The following PPP2R3B variants were observed in gnomAD, a reference collection of about 807,000 sequenced individuals.
PPP2R3B encodes protein phosphatase 2 regulatory subunit B''beta, also known as serine/threonine-protein phosphatase 2A regulatory subunit B'' subunit beta.
A neutral mutation model predicts 72.9 loss-of-function variants in PPP2R3B; 68 were observed. The ratio of observed to expected loss-of-function variants is 0.93; its 90% CI spans 0.77 to 1.14. The LOEUF is 1.14. PPP2R3B is among the 50% of genes most tolerant of loss of function. PPP2R3B has a pLI of 0.00. For missense variants in PPP2R3B, 1,018 were observed against 842.0 expected, an observed-to-expected ratio of 1.21 and a Z score of -2.59; for synonymous variants, 466 against 375.8, an observed-to-expected ratio of 1.24 and a Z score of -2.78.
Position 340,953 on chromosome X carries a change from G to A in PPP2R3B, c.1176-13C>T, listed in dbSNP as rs369993682. On this transcript the variant is annotated splice_polypyrimidine_tract_variant and intron_variant, in intron 9 of 12. Coordinates refer to ENST00000390665, the MANE Select transcript of PPP2R3B (RefSeq NM_013239.5). ...CCAGTACTCGATGCTGCGGCACGGCGAGCTCTGTCAGCCCCTGCCCTGGGC... is the reference window on the plus strand; with the variant it reads ...CCAGTACTCGATGCTGCGGCACGGCAAGCTCTGTCAGCCCCTGCCCTGGGC... The A allele has an allele frequency of 2.5e-5, 40 of 1,607,092 alleles. No homozygotes were observed. Among genetic ancestry groups the A allele is most frequent in the African/African-American group, 1.2e-4 (9 of 74,656 alleles).
rs757702013 is a variant in PPP2R3B, at chrX:347,560, A to G, written c.614+30T>C. On this transcript the variant is annotated intron_variant, in intron 3 of 12. Coordinates refer to ENST00000390665, the MANE Select transcript of PPP2R3B (RefSeq NM_013239.5). ...ACCCGGGGACGCCTCCGCCCTCCCGACACAGCCCCCTGCCCAGCCCAGGAC... is the reference window on the plus strand; with the variant it reads ...ACCCGGGGACGCCTCCGCCCTCCCGGCACAGCCCCCTGCCCAGCCCAGGAC... 2.6e-6 allele frequency: 4 copies of G among 1,554,794 alleles called. No individual in the cohort carries two copies. The South Asian group carries it at 4.7e-5, about 18-fold the overall frequency.
intron 1 of PPP2R3B, 84 bp from the exon 2 acceptor site, chrX:361,674 A>G: frequency 6.6e-7 from 1 of 1,524,966 alleles, no homozygotes; most frequent in Non-Finnish European, 9.0e-7. Flanking sequence ...GGGCCTCTCT[A>G]GGGCCGACAG....
In PPP2R3B at chrX:341,326, C is replaced by T. The variant is rs769304926; in HGVS notation, c.1156G>A (p.Asp386Asn). Residue 386 changes from aspartate to asparagine, a missense_variant, in exon 9 of 13, where the codon GAC becomes AAC. By Grantham distance (23) the Asp-to-Asn change is conservative. Transcript: ENST00000390665. ...DFVWFLISEEDKKTPTSIEYW... is the reference protein window; with the variant it reads ...DFVWFLISEENKKTPTSIEYW... ...ACCCACCTGGTCGGTGTTTTTTTGTCTTCCTCAGAGATCAAAAACCAGACA... is the reference window on the plus strand; with the variant it reads ...ACCCACCTGGTCGGTGTTTTTTTGTTTTCCTCAGAGATCAAAAACCAGACA... 1.4e-5 allele frequency: 22 copies of T among 1,611,914 alleles called. No individual in the cohort carries two copies. The highest frequency in any genetic ancestry group is 1.8e-5 in the Non-Finnish European group (21 of 1,179,524).
Position 338,782 on chromosome X carries a change from A to T in PPP2R3B, c.1466T>A (p.Leu489His), listed in dbSNP as rs1304693443. Residue 489 changes from leucine (L) to histidine (H), a missense_variant, in exon 11 of 13, where the codon CTC becomes CAC. Coordinates refer to ENST00000390665, the MANE Select transcript of PPP2R3B (RefSeq NM_013239.5). ...CCGCGTGCCCGCCGCACTCACCCTG[A>T]GCAGGGAGATCTGCTCTTTCTGCTC... ...DHEQKEQISL[L>H]RDGDSGGPEL... 6.2e-7 allele frequency: 1 copy of T among 1,612,328 alleles called. No individual in the cohort carries two copies. The highest frequency in any genetic ancestry group is 1.1e-5 in the South Asian group (1 of 91,070).
At chrX:355,147 G>T (rs1002499491) in intron 2 of PPP2R3B, among the ~76,000 whole-genome samples, 1 of 152,198 alleles carries the variant, frequency 6.6e-6, no homozygotes, top group Non-Finnish European at 1.5e-5. Flanking sequence ...TGGTAGAGCC[G>T]ATGACTGAGT....
rs2071046481 is a variant in PPP2R3B, at chrX:340,802, G to A, written c.1314C>T (p.Leu438=). ...AIEALPFQDC[L]CQMLDLVKPR... ...GCTTGACCAGGTCCAGCATCTGGCA[G>A]AGGCAGTCCTGGAAGGGCAGGGCCT... is the stretch of plus-strand genomic sequence containing the variant. The change falls in exon 10 of 13, where the codon CTC becomes CTT. Residue 438 remains leucine (L), a synonymous_variant. Transcript: ENST00000390665. 1 of 1,602,882 alleles carries A rather than the reference G, an allele frequency of 6.2e-7. No individual in the cohort carries two copies. Among genetic ancestry groups the A allele is most frequent in the South Asian group, 1.1e-5 (1 of 90,802 alleles).
chrX:346,881 G>C (rs1211056547), intron 4 of PPP2R3B, 106 bp from the exon 5 acceptor site: 9 of 1,114,676 alleles, frequency 8.1e-6, no homozygotes, highest in African/African-American at 3.1e-5. Context: ...GATGAGGTGT[G>C]CGGTGTAGAC....
intron 1 of PPP2R3B, among the ~76,000 whole-genome samples, chrX:378,004 T>C (rs760792479): frequency 3.3e-5 from 5 of 152,010 alleles, no homozygotes; most frequent in African/African-American, 1.2e-4. Flanking sequence ...GTCTATACAC[T>C]ACTGTGTACA....
chrX:345,723 C>G, intron 6 of PPP2R3B, 51 bp from the exon 7 acceptor site: 1 of 1,503,686 alleles, frequency 6.7e-7, no homozygotes, highest in Non-Finnish European at 9.0e-7. Flanking sequence ...GGGGATGCCC[C>G]AAGTCCGCCT....
At chrX:359,098 G>A (rs2071493509) in intron 2 of PPP2R3B, among the ~76,000 whole-genome samples, 1 of 152,196 alleles carries the variant, frequency 6.6e-6, no homozygotes, top group Non-Finnish European at 1.5e-5. Context: ...GACGCAGCGC[G>A]TGAGCTGCAA....
rs1222623156 is a variant in PPP2R3B, at chrX:368,489, G to C, written c.325-6899C>G. Among the ~76,000 whole-genome samples the C allele has an allele frequency of 1.1e-3, 142 of 125,814 alleles. 4 individuals carry two copies. Among genetic ancestry groups the C allele is most frequent in the Non-Finnish European group, 1.9e-3 (112 of 59,750 alleles). 82.5% of individuals were successfully genotyped at this position (125,814 alleles called of 152,430 possible). On this transcript the variant is annotated intron_variant, in intron 1 of 12. Transcript: ENST00000390665. ...ACCACCCACCCCGGGCACCGACGGG[G>C]GGAAGGCCGGGACCACCCACCTTGG...
At chrX:340,447 CGTCCCCCCTCCCGTCT>C (rs1160796372) in intron 10 of PPP2R3B, among the ~76,000 whole-genome samples, 1,587 of 133,822 alleles carry the variant, frequency 0.012, 99 homozygotes, top group African/African-American at 0.044. Flanking sequence ...CACCCTGGTC[CGTCCCCCCTCCCGTCT>C]GTCCCCTCAC....
chrX:361,566 G>A lies in PPP2R3B; in HGVS notation c.349C>T (p.Leu117=). 6.2e-7 allele frequency: 1 copy of A among 1,613,994 alleles called. No homozygotes were observed. The highest frequency in any genetic ancestry group is 1.1e-5 in the South Asian group (1 of 91,080). Residue 117 remains leucine, a synonymous_variant, in exon 2 of 13, where the codon CTG becomes TTG. Coordinates refer to ENST00000390665, the MANE Select transcript of PPP2R3B (RefSeq NM_013239.5). Reference sequence around the variant, plus strand: ...ATGCTTTGGCTCGTGGCCGGGGGCAGAGGCTCTTCTTTCCGTGTCTGAACC... The same window carrying A: ...ATGCTTTGGCTCGTGGCCGGGGGCAAAGGCTCTTCTTTCCGTGTCTGAACC... The part of the protein sequence containing the change: ...RVVQTRKEEP[L]PPATSQSIPT...
Position 347,643 on chromosome X carries a change from G to A in PPP2R3B, c.561C>T (p.Gly187=), listed in dbSNP as rs758755766. 4.1e-5 allele frequency: 64 copies of A among 1,574,684 alleles called. 1 individual carries two copies. The Admixed American group carries it at 4.3e-4, about 11-fold the overall frequency. Residue 187 remains glycine, a synonymous_variant, in exon 3 of 13, where the codon GGC becomes GGT. Transcript: ENST00000390665. The part of the protein sequence containing the change: ...YWKGPLFYGA[G]GERTGSVSVH... ...CGGACACGGAGCCCGTGCGCTCCCC[G>A]CCGGCGCCATAGAAGAGCGGCCCCT...
chrX:338,684 G>A lies in PPP2R3B; in HGVS notation c.1497C>T (p.Leu499=), dbSNP rs1275916251. The part of the protein sequence containing the change: ...LRDGDSGGPE[L]SDWEKYAAEE... ...CGGCCGCGTACTTCTCCCAGTCCGA[G>A]AGCTCGGGGCCGCCGCTGTCACCGT... The change falls in exon 12 of 13, where the codon CTC becomes CTT. Residue 499 remains leucine, a synonymous_variant. Transcript: ENST00000390665. 12 of 1,611,648 alleles carry A rather than the reference G, an allele frequency of 7.4e-6. No homozygotes were observed. The highest frequency in any genetic ancestry group is 9.3e-6 in the Non-Finnish European group (11 of 1,179,658).
rs774606379 is a variant in PPP2R3B, at chrX:345,511, C to T, written c.1036+5G>A. ...CGGCCCGCCCGCCCCTGTGCCCCCA[C>T]GCACCGTGGTCATTGTGCCGCGCCA... On this transcript the variant is annotated splice_donor_5th_base_variant and intron_variant, in intron 7 of 12. Transcript: ENST00000390665. 3 of 1,612,672 alleles carry T rather than the reference C, an allele frequency of 1.9e-6. No individual in the cohort carries two copies. The highest frequency in any genetic ancestry group is 2.2e-5 in the East Asian group (1 of 44,842).
intron 1 of PPP2R3B, among the ~76,000 whole-genome samples, chrX:361,912 C>T (rs989491805): frequency 2.0e-5 from 3 of 152,160 alleles, no homozygotes; most frequent in Admixed American, 6.5e-5. Context: ...CAGCCAGGAC[C>T]CACTCCCGAT....
intron 1 of PPP2R3B, among the ~76,000 whole-genome samples, chrX:376,354 C>A (rs1385204737): frequency 6.6e-6 from 1 of 152,210 alleles, no homozygotes; most frequent in Non-Finnish European, 1.5e-5. Context: ...GATGCAGAAC[C>A]CGCACCACCC....
chrX:361,014 G>C (rs2071526373), intron 2 of PPP2R3B, among the ~76,000 whole-genome samples: 1 of 152,184 alleles, frequency 6.6e-6, no homozygotes, highest in South Asian at 2.1e-4. Context: ...CCGCTCCTCG[G>C]GCAGAAAGGG....
Sources: allele counts gnomAD v4.1 joint callset (sites outside exome capture counted in the v4.1 genomes callset), GRCh38; gene constraint gnomAD v4.1.1; transcripts MANE v1.5; gene names NCBI Gene and HGNC (gene_info 2026-07-23, HGNC 2026-07-21).